Variants in HSD17B12 observed in about 807,000 individuals in gnomAD.
HSD17B12 encodes the protein very-long-chain 3-oxoacyl-CoA reductase.
Under a neutral mutation model 39.3 loss-of-function variants are expected in HSD17B12, and 32 were observed. That is an observed-to-expected ratio of 0.81 (90% confidence interval 0.61 to 1.09). HSD17B12 has a LOEUF of 1.09. Among genes scored for constraint, HSD17B12 ranks in the 50% least tolerant of loss-of-function variants. HSD17B12 has a pLI of 0.00. For missense variants in HSD17B12, 342 were observed against 382.9 expected (o/e 0.89, Z 0.89); for synonymous variants, 150 against 146.7 (o/e 1.02, Z -0.16).
chr11:43,844,544 A>G (rs145026967), intron 9 of HSD17B12, among the ~76,000 whole-genome samples: 16 of 152,014 alleles, frequency 1.1e-4, no homozygotes, highest in African/African-American at 3.6e-4. Context: ...TCATTACCTT[A>G]TAATTAAAGT....
At chr11:43,592,759 T>A in the HSD17B12 span, among the ~76,000 whole-genome samples, 6 of 152,136 alleles carry the variant, frequency 3.9e-5, no homozygotes, top group Non-Finnish European at 7.4e-5. Flanking sequence ...AAATATGGCT[T>A]ATAGAGCCAT....
At chr11:43,810,403 A>ATATATATATATATATATATATATATAT (rs1565097561) in intron 4 of HSD17B12, among the ~76,000 whole-genome samples, 6 of 71,976 alleles carry the variant, frequency 8.3e-5, no homozygotes, top group African/African-American at 2.4e-4. Context: ...ATATATATAT[A>ATATATATATATATATATATATATATAT]AAATTCAGAA....
intron 1 of HSD17B12, among the ~76,000 whole-genome samples, chr11:43,697,331 G>A (rs1053059921): frequency 1.3e-5 from 2 of 152,134 alleles, no homozygotes; most frequent in Non-Finnish European, 2.9e-5. Context: ...TCTGGAAGAA[G>A]CAACATTTAA....
intron 1 of HSD17B12, among the ~76,000 whole-genome samples, chr11:43,703,359 T>G (rs1949984455): frequency 6.6e-6 from 1 of 151,984 alleles, no homozygotes; most frequent in African/African-American, 2.4e-5. Flanking sequence ...TACGCCCGGC[T>G]AATTTTTTGT....
At chr11:43,808,003 GA>G (rs1212359888) in intron 4 of HSD17B12, among the ~76,000 whole-genome samples, 1 of 152,168 alleles carries the variant, frequency 6.6e-6, no homozygotes, top group Non-Finnish European at 1.5e-5. Context: ...ACATCATCCA[GA>G]ATTAGACGAC....
At chr11:43,648,921 G>A in the HSD17B12 span, among the ~76,000 whole-genome samples, 24 of 152,236 alleles carry the variant, frequency 1.6e-4, no homozygotes, top group South Asian at 4.1e-4. Flanking sequence ...TAGTAGATAC[G>A]GGGTTTCGCT....
intron 4 of HSD17B12, among the ~76,000 whole-genome samples, chr11:43,801,234 AGTGTTTT>A (rs1384285203): frequency 2.6e-5 from 4 of 152,160 alleles, no homozygotes; most frequent in Non-Finnish European, 4.4e-5. Flanking sequence ...CTGTGGGATA[AGTGTTTT>A]GAGTAGGGAA....
At chr11:43,699,364 G>A (rs1167732903) in intron 1 of HSD17B12, among the ~76,000 whole-genome samples, 2 of 151,946 alleles carry the variant, frequency 1.3e-5, no homozygotes, top group Non-Finnish European at 1.5e-5. Context: ...AGAAAGGAAT[G>A]TTCTCATTTT....
chr11:43,782,352 A>C (rs1950774000), intron 3 of HSD17B12, among the ~76,000 whole-genome samples: 1 of 152,160 alleles, frequency 6.6e-6, no homozygotes, highest in African/African-American at 2.4e-5. Flanking sequence ...ATTAAAATTA[A>C]AAGGATGGAA....
At chr11:43,665,258 G>T in the HSD17B12 span, among the ~76,000 whole-genome samples, 3 of 152,028 alleles carry the variant, frequency 2.0e-5, no homozygotes, top group Admixed American at 2.0e-4. Context: ...TTATTTAGTC[G>T]CCTAGGCTGG....
intron 4 of HSD17B12, among the ~76,000 whole-genome samples, chr11:43,811,761 A>G (rs1951075444): frequency 6.6e-6 from 1 of 152,130 alleles, no homozygotes; most frequent in African/African-American, 2.4e-5. Flanking sequence ...GAAATATACA[A>G]TACATTGTTG....
chr11:43,651,295 C>T, the HSD17B12 span, among the ~76,000 whole-genome samples: 3 of 152,288 alleles, frequency 2.0e-5, no homozygotes, highest in African/African-American at 7.2e-5. Context: ...AAGACATATT[C>T]ATCATACTTT....
chr11:43,814,122 A>G (rs1951098929), intron 4 of HSD17B12, among the ~76,000 whole-genome samples: 1 of 152,112 alleles, frequency 6.6e-6, no homozygotes, highest in African/African-American at 2.4e-5. Flanking sequence ...TAATTTTATT[A>G]AACATTGTTA....
chr11:43,707,735 T>G (rs933073683), intron 1 of HSD17B12, among the ~76,000 whole-genome samples: 4 of 152,220 alleles, frequency 2.6e-5, no homozygotes, highest in Non-Finnish European at 1.5e-5. Context: ...TTAGGATAAT[T>G]TTTTTGAAGA....
chr11:43,759,437 C>T (rs968343938), intron 3 of HSD17B12, among the ~76,000 whole-genome samples: 1 of 152,246 alleles, frequency 6.6e-6, no homozygotes, highest in Admixed American at 6.5e-5. Context: ...ATACCTGTCA[C>T]CCTTTTAATT....
rs1252048647 is a variant in HSD17B12 at position 43,786,328 on chromosome 11, A to G, written c.284-11992A>G. Among the ~76,000 whole-genome samples, 6 of 152,252 alleles carry G rather than the reference A, an allele frequency of 3.9e-5. 1 individual carries two copies. The South Asian group carries it at 6.2e-4, about 16-fold the overall frequency. The stretch of plus-strand genomic sequence containing the variant: ...TGTACTCAAATAGAGGTTTAACAAA[A>G]TTAATGATTTTCACTGCTTCATCAA... On this transcript the variant is annotated intron_variant, in intron 3 of 10. Coordinates refer to ENST00000278353, the MANE Select transcript of HSD17B12 (RefSeq NM_016142.3).
intron 9 of HSD17B12, 43 bp from the exon 10 acceptor site, chr11:43,854,672 C>G: frequency 6.2e-7 from 1 of 1,606,692 alleles, no homozygotes; most frequent in Non-Finnish European, 8.5e-7. Flanking sequence ...TGTGGCCTTA[C>G]TAATCAATGG....
At chr11:43,710,430 A>G (rs1950054290) in intron 1 of HSD17B12, among the ~76,000 whole-genome samples, 1 of 152,220 alleles carries the variant, frequency 6.6e-6, no homozygotes, top group South Asian at 2.1e-4. Flanking sequence ...GCAAAGTAAC[A>G]TAAATATCTC....
the HSD17B12 span, among the ~76,000 whole-genome samples, chr11:43,659,609 A>G: frequency 1.3e-5 from 2 of 152,158 alleles, no homozygotes; most frequent in African/African-American, 2.4e-5. Context: ...AAATTGATAA[A>G]TTAGACTTCA....
Sources: gnomAD v4.1 joint callset for allele counts (sites outside exome capture counted in the v4.1 genomes callset) on GRCh38, gnomAD v4.1.1 for gene constraint, MANE v1.5 for transcripts, NCBI Gene and HGNC (gene_info 2026-07-23, HGNC 2026-07-21) for gene names.